Variants in GOLT1B observed in about 807,000 individuals in gnomAD.
The protein encoded by GOLT1B is vesicle transport protein GOT1B.
Under a neutral mutation model 15.4 loss-of-function variants are expected in GOLT1B, and 3 were observed. The observed-to-expected ratio is 0.19, with a 90% CI of 0.09 to 0.50. The LOEUF (loss-of-function observed/expected upper bound fraction) is 0.50. Ranked by LOEUF, GOLT1B falls within the 20% of genes least tolerant of loss-of-function variation. GOLT1B has a pLI of 0.97. For synonymous variants in GOLT1B, 65 were observed against 56.2 expected, an observed-to-expected ratio of 1.16 and a Z score of -0.70; for missense variants, 145 against 160.4, an observed-to-expected ratio of 0.90 and a Z score of 0.52.
At chr12:21,507,996 G>A in intron 2 of GOLT1B, 1 of 450,326 alleles carries the variant, frequency 2.2e-6, no homozygotes, top group Non-Finnish European at 4.4e-6. Context: ...ATACCCTTGG[G>A]TGACATATTT....
intron 1 of GOLT1B, among the ~76,000 whole-genome samples, chr12:21,506,573 A>G (rs1943680063): frequency 6.6e-6 from 1 of 152,092 alleles, no homozygotes; most frequent in Non-Finnish European, 1.5e-5. Flanking sequence ...TCAGGAGGAA[A>G]AAAACAAATT....
In GOLT1B at chr12:21,517,476, C is replaced by A. The variant is rs10770819; in HGVS notation, c.*1769C>A. On this transcript the variant is annotated 3_prime_UTR_variant, in exon 5 of 5. Coordinates refer to ENST00000229314, the MANE Select transcript of GOLT1B (RefSeq NM_016072.5). ...ACTTTATATAAGGTGCCCTGTAGAA[C>A]TCTGTTACACATATTTTTGACCCAT... is the stretch of plus-strand genomic sequence containing the variant. The A allele has an allele frequency of 0.49, 74,826 of 151,924 alleles. 18,706 individuals are homozygous for A. The highest frequency in any genetic ancestry group is 0.55 in the African/African-American group (22,919 of 41,408). The allele number at this position is 151,924 out of a possible 1,614,324, so 9.4% of individuals were successfully genotyped here.
intron 1 of GOLT1B, 134 bp downstream of exon 1, chr12:21,502,082 C>A: frequency 5.6e-6 from 4 of 719,518 alleles, no homozygotes; most frequent in South Asian, 4.6e-5. Flanking sequence ...GCTAGGGCTG[C>A]TGGGACCCTA....
At position 21,517,344 on chromosome 12, in the gene GOLT1B, C is replaced by T. The variant is rs1352848129; in HGVS notation, c.*1637C>T. ...GGATGATATTGACAAATGGAGACTC[C>T]TACCTCAATAGTTAATGGAATAATA... On this transcript the variant is annotated 3_prime_UTR_variant, in exon 5 of 5. Coordinates refer to ENST00000229314, the MANE Select transcript of GOLT1B (RefSeq NM_016072.5). 1 of 152,346 alleles carries T rather than the reference C, an allele frequency of 6.6e-6. No homozygotes were observed. Among genetic ancestry groups the T allele is most frequent in the East Asian group, 1.9e-4 (1 of 5,192 alleles). The allele number at this position is 152,346 out of a possible 1,614,324, so 9.4% of individuals were successfully genotyped here.
At chr12:21,503,904 G>A (rs1041564684) in intron 1 of GOLT1B, among the ~76,000 whole-genome samples, 3 of 152,276 alleles carry the variant, frequency 2.0e-5, no homozygotes, top group Middle Eastern at 3.4e-3. Flanking sequence ...TCAGAGGGGC[G>A]GAGGAGGGGC....
intron 3 of GOLT1B, among the ~76,000 whole-genome samples, 170 bp downstream of exon 3, chr12:21,508,731 CAT>C (rs1215075007): frequency 1.3e-5 from 2 of 152,122 alleles, no homozygotes; most frequent in Non-Finnish European, 2.9e-5. Context: ...TGTTTTATCA[CAT>C]GTGAATGATT....
chr12:21,506,831 T>A (rs1448980449), intron 1 of GOLT1B, 54 bp from the exon 2 acceptor site: 3 of 754,092 alleles, frequency 4.0e-6, no homozygotes, highest in Non-Finnish European at 6.9e-6. Context: ...TTTACAGGGA[T>A]GTTAATGTGA....
Position 21,517,327 on chromosome 12 carries a change from T to C in GOLT1B, c.*1620T>C, listed in dbSNP as rs112177514. On this transcript the variant is annotated 3_prime_UTR_variant, in exon 5 of 5. Transcript: ENST00000229314. ...ATGTATCTGTGAAAATGGGATGATA[T>C]TGACAAATGGAGACTCCTACCTCAA... 0.013 allele frequency: 2,029 copies of C among 152,516 alleles called. 18 individuals carry two copies. Among genetic ancestry groups the C allele is most frequent in the Non-Finnish European group, 0.022 (1,470 of 67,860 alleles). The allele number at this position is 152,516 out of a possible 1,614,324, so 9.4% of individuals were successfully genotyped here. A position where few individuals can be genotyped will look rare whatever the true frequency, so the allele number is the denominator to read the frequency against.
chr12:21,508,778 C>T (rs907013051), intron 3 of GOLT1B, among the ~76,000 whole-genome samples: 1 of 152,054 alleles, frequency 6.6e-6, no homozygotes, highest in East Asian at 1.9e-4. Context: ...TTTGTCAGCA[C>T]AATAAAGTTT....
At chr12:21,506,857 AC>A in intron 1 of GOLT1B, 27 bp from the exon 2 acceptor site, 1 of 944,474 alleles carries the variant, frequency 1.1e-6, no homozygotes, top group South Asian at 1.5e-5. Context: ...ATTTTTCTCT[AC>A]CCTTAACCAT....
At position 21,515,833 on chromosome 12, in the gene GOLT1B, A is replaced by G. The variant is rs138204721; in HGVS notation, c.*126A>G. On this transcript the variant is annotated 3_prime_UTR_variant, in exon 5 of 5. Coordinates refer to ENST00000229314, the MANE Select transcript of GOLT1B (RefSeq NM_016072.5). ...TGTTCTTTACAGGAGTTTAAAACGTATAGCCTACAAAGTACCAGCAGCAAA... is the reference window on the plus strand; with the variant it reads ...TGTTCTTTACAGGAGTTTAAAACGTGTAGCCTACAAAGTACCAGCAGCAAA... The G allele has an allele frequency of 2.1e-3, 1,186 of 565,322 alleles. 12 individuals are homozygous for G. The highest frequency in any genetic ancestry group is 0.021 in the African/African-American group (1,062 of 50,910). 35.0% of individuals were successfully genotyped at this position (565,322 alleles called of 1,614,324 possible).
chr12:21,503,884 C>A (rs1943659118), intron 1 of GOLT1B, among the ~76,000 whole-genome samples: 1 of 150,902 alleles, frequency 6.6e-6, no homozygotes, highest in Non-Finnish European at 1.5e-5. Flanking sequence ...CCAAAAAAGA[C>A]AAGACTTATT....
intron 2 of GOLT1B, 190 bp downstream of exon 2, chr12:21,507,166 A>G: frequency 4.9e-6 from 3 of 608,258 alleles, no homozygotes; most frequent in Admixed American, 2.3e-5. Context: ...ACACTTAATG[A>G]GGTTTTCTAA....
At position 21,501,904 on chromosome 12, in the gene GOLT1B, C is replaced by T; in HGVS notation, c.-20C>T. 1 of 1,594,446 alleles carries T rather than the reference C, an allele frequency of 6.3e-7. No individual in the cohort carries two copies. Among genetic ancestry groups the T allele is most frequent in the Non-Finnish European group, 8.6e-7 (1 of 1,162,188 alleles). On this transcript the variant is annotated 5_prime_UTR_variant, in exon 1 of 5. Coordinates refer to ENST00000229314, the MANE Select transcript of GOLT1B (RefSeq NM_016072.5). The stretch of plus-strand genomic sequence containing the variant: ...TGGGCTTTCCGAGGTGCTGTCGCCG[C>T]TGTCCCCACCACTGCAGCCATGATC...
rs1943626950 is a variant in GOLT1B at position 21,501,814 on chromosome 12, A to G, written c.-110A>G. Reference sequence around the variant, plus strand: ...AGTGAGGGTGGCTGCGTGTTTCCGGAAGACGTGGCGGCTCTCGCCTGGGCT... The same window carrying G: ...AGTGAGGGTGGCTGCGTGTTTCCGGGAGACGTGGCGGCTCTCGCCTGGGCT... On this transcript the variant is annotated 5_prime_UTR_variant, in exon 1 of 5. Transcript: ENST00000229314. The G allele has an allele frequency of 2.6e-5, 20 of 765,524 alleles. No homozygotes were observed. In the South Asian group the frequency reaches 2.9e-4, roughly 11 times the overall value. 47.4% of individuals were successfully genotyped at this position (765,524 alleles called of 1,614,324 possible). A position where few individuals can be genotyped will look rare whatever the true frequency, so the allele number is the denominator to read the frequency against.
chr12:21,514,695 A>ATGGCTTTTGAATG (rs1943743426), intron 4 of GOLT1B, among the ~76,000 whole-genome samples: 1 of 152,198 alleles, frequency 6.6e-6, no homozygotes, highest in African/African-American at 2.4e-5. Context: ...AGTGTTATTT[A>ATGGCTTTTGAATG]TACCTAGAAT....
In GOLT1B at chr12:21,515,675, G is replaced by T; in HGVS notation, c.385G>T (p.Asp129Tyr). 1 of 1,374,684 alleles carries T rather than the reference G, an allele frequency of 7.3e-7. No individual in the cohort carries two copies. The highest frequency in any genetic ancestry group is 1.0e-6 in the Non-Finnish European group (1 of 972,906). 85.2% of individuals were successfully genotyped at this position (1,374,684 alleles called of 1,614,324 possible). Residue 129 changes from aspartate to tyrosine, a missense_variant, in exon 5 of 5, where the codon GAT becomes TAT. Transcript: ENST00000229314. Reference protein sequence around the residue: ...LNLPGIRSFVDKVGESNNMV With the variant: ...LNLPGIRSFVYKVGESNNMV The stretch of plus-strand genomic sequence containing the variant: ...GTTTTTCTTCTCCTTACAGTTTGTA[G>T]ATAAAGTTGGAGAAAGCAACAATAT...
In GOLT1B at chr12:21,515,674, AGATAAAGTT is replaced by A; in HGVS notation, c.386_394del (p.Asp129_Val131del). 1 of 1,371,886 alleles carries A rather than the reference AGATAAAGTT, an allele frequency of 7.3e-7. No homozygotes were observed. Among genetic ancestry groups the A allele is most frequent in the Non-Finnish European group, 1.0e-6 (1 of 969,566 alleles). The allele number at this position is 1,371,886 out of a possible 1,614,324, so 85.0% of individuals were successfully genotyped here. A position where few individuals can be genotyped will look rare whatever the true frequency, so the allele number is the denominator to read the frequency against. On this transcript the variant is annotated inframe_deletion, in exon 5 of 5. Transcript: ENST00000229314. Reference sequence around the variant, plus strand: ...TGTTTTTCTTCTCCTTACAGTTTGTAGATAAAGTTGGAGAAAGCAACAATATGGTATAAC... The same window carrying A: ...TGTTTTTCTTCTCCTTACAGTTTGTAGGAGAAAGCAACAATATGGTATAAC...
chr12:21,508,547 T>A lies in GOLT1B; in HGVS notation c.282T>A (p.Phe94Leu). 6.4e-7 allele frequency: 1 copy of A among 1,556,414 alleles called. No homozygotes were observed. The highest frequency in any genetic ancestry group is 1.4e-5 in the African/African-American group (1 of 73,512). ...LIGMIFEIYG[F>L]FLLFRGFFPV... ...GCATGATCTTCGAAATTTATGGATT[T>A]TTTCTCTTGTTCAGGTAAGGCATAT... Residue 94 changes from phenylalanine (F) to leucine (L), a missense_variant, in exon 3 of 5, where the codon TTT becomes TTA. By Grantham distance (22) the Phe-to-Leu change is conservative. Coordinates refer to ENST00000229314, the MANE Select transcript of GOLT1B (RefSeq NM_016072.5).
Sources: gnomAD v4.1 joint callset for allele counts (sites outside exome capture counted in the v4.1 genomes callset) on GRCh38, gnomAD v4.1.1 for gene constraint, MANE v1.5 for transcripts, NCBI Gene and HGNC (gene_info 2026-07-23, HGNC 2026-07-21) for gene names.